The following ATG7 variants were observed in gnomAD, a reference collection of about 807,000 sequenced individuals.
The protein encoded by ATG7 is autophagy related 7, also known as ubiquitin-like modifier-activating enzyme ATG7.
In ATG7, 70 loss-of-function variants were observed where a neutral mutation model predicts 82.4. The observed-to-expected ratio is 0.85, with a 90% CI of 0.70 to 1.04. The LOEUF is 1.04. Among genes scored for constraint, ATG7 ranks in the 50% least tolerant of loss-of-function variants. ATG7 has a pLI of 0.00. For synonymous variants in ATG7, 287 were observed against 313.0 expected (o/e 0.92, Z 0.88); for missense variants, 792 against 864.3 (o/e 0.92, Z 1.05).
chr3:11,291,398 T>G (rs1010179980), intron 3 of ATG7, among the ~76,000 whole-genome samples: 2 of 152,172 alleles, frequency 1.3e-5, no homozygotes, highest in African/African-American at 2.4e-5. Flanking sequence ...AAAAGAAGTT[T>G]CTTCCTTCAA....
At chr3:11,536,430 C>T (rs1417895262) in intron 20 of ATG7, among the ~76,000 whole-genome samples, 1 of 152,212 alleles carries the variant, frequency 6.6e-6, no homozygotes, top group Non-Finnish European at 1.5e-5. Flanking sequence ...ACAGCAGGAC[C>T]AGCTCCTTCC....
intron 19 of ATG7, among the ~76,000 whole-genome samples, chr3:11,412,578 A>G (rs1427422490): frequency 6.6e-6 from 1 of 152,142 alleles, no homozygotes; most frequent in African/African-American, 2.4e-5. Flanking sequence ...AAATTTGATT[A>G]CTGTAGCTTT....
intron 20 of ATG7, among the ~76,000 whole-genome samples, chr3:11,490,200 G>C (rs1442552253): frequency 3.3e-5 from 5 of 152,140 alleles, no homozygotes; most frequent in African/African-American, 9.7e-5. Flanking sequence ...GTTAGCTCTT[G>C]TTGTTGAATT....
At chr3:11,404,257 T>A (rs1456079438) in intron 19 of ATG7, among the ~76,000 whole-genome samples, 3 of 148,130 alleles carry the variant, frequency 2.0e-5, no homozygotes, top group Non-Finnish European at 4.5e-5. Context: ...TGCCTCAGCC[T>A]CCCGAGTAGC....
intron 19 of ATG7, among the ~76,000 whole-genome samples, chr3:11,417,754 T>C (rs2081489892): frequency 6.6e-6 from 1 of 150,520 alleles, no homozygotes; most frequent in Non-Finnish European, 1.5e-5. Context: ...GTCCTTTTTC[T>C]TGCCTTTTGT....
chr3:11,466,212 A>G (rs1158895376), intron 20 of ATG7, among the ~76,000 whole-genome samples: 1 of 152,256 alleles, frequency 6.6e-6, no homozygotes, highest in African/African-American at 2.4e-5. Flanking sequence ...AAACATGATT[A>G]CAGTGGATTA....
At chr3:11,548,028 G>A (rs75864032) in intron 20 of ATG7, among the ~76,000 whole-genome samples, 4,418 of 152,112 alleles carry the variant, frequency 0.029, 189 homozygotes, top group African/African-American at 0.1. Context: ...TTTTTTGATA[G>A]AGACAGGATT....
intron 20 of ATG7, among the ~76,000 whole-genome samples, chr3:11,551,569 T>C (rs1382639304): frequency 2.6e-5 from 4 of 152,164 alleles, no homozygotes; most frequent in Admixed American, 2.6e-4. Context: ...TGTGTTTAGC[T>C]TTTTCACTGC....
intron 20 of ATG7, among the ~76,000 whole-genome samples, chr3:11,450,005 G>A (rs1404838626): frequency 6.6e-6 from 1 of 152,222 alleles, no homozygotes; most frequent in East Asian, 1.9e-4. Context: ...GGTGGGAGGA[G>A]TCCTGGGGGA....
chr3:11,417,796 T>G (rs1395270483), intron 19 of ATG7, among the ~76,000 whole-genome samples: 1 of 46,332 alleles, frequency 2.2e-5, no homozygotes, highest in Admixed American at 2.6e-4. Context: ...TTATTATTAT[T>G]ATTATTTTAT....
intron 13 of ATG7, among the ~76,000 whole-genome samples, chr3:11,344,704 A>C (rs959525519): frequency 2.6e-5 from 4 of 151,850 alleles, no homozygotes; most frequent in Admixed American, 2.6e-4. Flanking sequence ...CCATCTCTAC[A>C]AAAAAAATAT....
chr3:11,343,880 A>G (rs1241871977), intron 13 of ATG7, among the ~76,000 whole-genome samples: 1 of 152,290 alleles, frequency 6.6e-6, no homozygotes. Flanking sequence ...TGAAATTACA[A>G]TGAATTTATA....
intron 1 of ATG7, among the ~76,000 whole-genome samples, chr3:11,279,956 A>G (rs1182444493): frequency 6.8e-6 from 1 of 147,468 alleles, no homozygotes; most frequent in African/African-American, 2.5e-5. Context: ...TTTTTTTGCC[A>G]TTGAACCCTG....
intron 20 of ATG7, among the ~76,000 whole-genome samples, chr3:11,496,614 C>T (rs1261488271): frequency 2.0e-5 from 3 of 152,172 alleles, no homozygotes; most frequent in African/African-American, 7.2e-5. Flanking sequence ...AGAATGCCTG[C>T]ATGACTCTTC....
At chr3:11,418,966 C>T (rs2081668124) in intron 19 of ATG7, among the ~76,000 whole-genome samples, 1 of 151,910 alleles carries the variant, frequency 6.6e-6, no homozygotes, top group African/African-American at 2.4e-5. Flanking sequence ...GAAACTGCCC[C>T]TCCCCCCCGA....
intron 20 of ATG7, among the ~76,000 whole-genome samples, chr3:11,484,465 C>A (rs1256783869): frequency 6.6e-6 from 1 of 152,198 alleles, no homozygotes; most frequent in Non-Finnish European, 1.5e-5. Context: ...TCAAAGCTGT[C>A]TTTTTCAGCA....
At chr3:11,415,371 T>C (rs113124797) in intron 19 of ATG7, among the ~76,000 whole-genome samples, 1 of 152,178 alleles carries the variant, frequency 6.6e-6, no homozygotes, top group African/African-American at 2.4e-5. Flanking sequence ...ACTTAAAAAA[T>C]ATTTTTCTGT....
intron 5 of ATG7, among the ~76,000 whole-genome samples, chr3:11,301,708 G>C (rs932312443): frequency 3.3e-5 from 5 of 152,148 alleles, no homozygotes; most frequent in African/African-American, 1.2e-4. Flanking sequence ...AAGATATGAC[G>C]AGGAAACTAC....
At chr3:11,512,501 T>G (rs1056437973) in intron 20 of ATG7, among the ~76,000 whole-genome samples, 1 of 152,204 alleles carries the variant, frequency 6.6e-6, no homozygotes, top group Non-Finnish European at 1.5e-5. Flanking sequence ...TTAGTACTTG[T>G]GTGTACAGAA....
Sources: gnomAD v4.1 joint callset for allele counts (sites outside exome capture counted in the v4.1 genomes callset) on GRCh38, gnomAD v4.1.1 for gene constraint, MANE v1.5 for transcripts, NCBI Gene and HGNC (gene_info 2026-07-23, HGNC 2026-07-21) for gene names.